The following RBFOX1 variants were observed in gnomAD, a reference collection of about 807,000 sequenced individuals.
RBFOX1 encodes the protein RNA binding fox-1 homolog 1.
A neutral mutation model predicts 57.7 loss-of-function variants in RBFOX1; 8 were observed. That is an observed-to-expected ratio of 0.14 (90% confidence interval 0.08 to 0.25). The LOEUF (loss-of-function observed/expected upper bound fraction) is 0.25, where lower values mean the gene tolerates loss of function less well. Ranked by LOEUF, RBFOX1 falls within the 10% of genes least tolerant of loss-of-function variation. The pLI is 1.00. For synonymous variants in RBFOX1, 326 were observed against 222.4 expected (o/e 1.47, Z -4.15); for missense variants, 611 against 548.5 (o/e 1.11, Z -1.14).
intron 2 of RBFOX1, among the ~76,000 whole-genome samples, chr16:5,524,886 G>C (rs993451403): frequency 2.6e-5 from 4 of 151,970 alleles, no homozygotes; most frequent in African/African-American, 9.7e-5. Context: ...TTACTCAGGG[G>C]AGCCTTCTCT....
At chr16:7,575,254 C>A (rs62011666) in intron 5 of RBFOX1, among the ~76,000 whole-genome samples, 1 of 151,960 alleles carries the variant, frequency 6.6e-6, no homozygotes. Flanking sequence ...CCTGCCTCAC[C>A]CTCCCAAGTA....
At position 6,378,651 on chromosome 16, in the gene RBFOX1, G is replaced by A. The variant is rs772683948; in HGVS notation, c.-64+61594G>A. On this transcript the variant is annotated intron_variant, in intron 2 of 15. Transcript: ENST00000550418. ...CTAGTCCTCAATGCTCTTCCCCATTGGTCATCCCAGAGCTCATCTCAAATG... is the reference window on the plus strand; with the variant it reads ...CTAGTCCTCAATGCTCTTCCCCATTAGTCATCCCAGAGCTCATCTCAAATG... 8.5e-5 allele frequency among the ~76,000 whole-genome samples: 13 copies of A among 152,058 alleles called. 1 individual carries two copies. The highest frequency in any genetic ancestry group is 1.2e-4 in the Non-Finnish European group (8 of 68,018).
intron 2 of RBFOX1, among the ~76,000 whole-genome samples, chr16:6,482,993 T>A (rs983222975): frequency 2.6e-5 from 4 of 152,232 alleles, no homozygotes; most frequent in African/African-American, 9.6e-5. Context: ...ACATATTTAA[T>A]GCCTGAAAGA....
chr16:6,615,476 A>G (rs1196784183), intron 2 of RBFOX1, among the ~76,000 whole-genome samples: 1 of 152,090 alleles, frequency 6.6e-6, no homozygotes, highest in Non-Finnish European at 1.5e-5. Flanking sequence ...AGGCTGAGGC[A>G]GAAGAATTGC....
At chr16:5,358,118 A>G (rs571533342) in intron 1 of RBFOX1, among the ~76,000 whole-genome samples, 6 of 152,096 alleles carry the variant, frequency 3.9e-5, no homozygotes, top group South Asian at 4.1e-4. Context: ...CATCTGTTCC[A>G]TGTCTTTCTC....
intron 2 of RBFOX1, among the ~76,000 whole-genome samples, chr16:6,418,096 C>T (rs534939847): frequency 1.3e-5 from 2 of 152,140 alleles, no homozygotes; most frequent in Non-Finnish European, 2.9e-5. Flanking sequence ...TGACTAAGTA[C>T]GAATGGTAAG....
chr16:7,116,007 T>C (rs1242666298), intron 4 of RBFOX1, among the ~76,000 whole-genome samples: 1 of 152,196 alleles, frequency 6.6e-6, no homozygotes, highest in African/African-American at 2.4e-5. Flanking sequence ...GTAACCATTG[T>C]GCCAGGCACT....
At chr16:5,662,440 G>C (rs2049686052) in intron 3 of RBFOX1, among the ~76,000 whole-genome samples, 1 of 151,982 alleles carries the variant, frequency 6.6e-6, no homozygotes. Flanking sequence ...GACACGTTCT[G>C]GAAAACTCCC....
chr16:6,953,335 C>G (rs529587778), intron 3 of RBFOX1, among the ~76,000 whole-genome samples: 65 of 152,034 alleles, frequency 4.3e-4, no homozygotes, highest in Non-Finnish European at 8.4e-4. Context: ...TCACCAGCAA[C>G]TTAATAACAT....
At chr16:7,509,015 C>A (rs975950648) in intron 4 of RBFOX1, among the ~76,000 whole-genome samples, 2 of 152,180 alleles carry the variant, frequency 1.3e-5, no homozygotes, top group Admixed American at 6.5e-5. Flanking sequence ...TTGTAGTTTT[C>A]ATAATAAAGG....
chr16:5,513,585 A>C (rs1209180774), intron 2 of RBFOX1, among the ~76,000 whole-genome samples: 1 of 152,158 alleles, frequency 6.6e-6, no homozygotes, highest in East Asian at 1.9e-4. Flanking sequence ...TCATTGATGG[A>C]GGAGTATCTA....
intron 4 of RBFOX1, among the ~76,000 whole-genome samples, chr16:5,876,055 G>C (rs1297052796): frequency 6.6e-6 from 1 of 152,076 alleles, no homozygotes; most frequent in South Asian, 2.1e-4. Flanking sequence ...GTGTTAGCCA[G>C]GGTAGTCTTG....
intron 3 of RBFOX1, among the ~76,000 whole-genome samples, chr16:6,924,908 A>T (rs961130952): frequency 7.1e-6 from 1 of 140,872 alleles, no homozygotes; most frequent in Non-Finnish European, 1.5e-5. Context: ...TCATTGTTCA[A>T]TTCCTACCTA....
intron 4 of RBFOX1, among the ~76,000 whole-genome samples, chr16:7,310,940 A>G (rs1053859516): frequency 6.6e-6 from 1 of 152,230 alleles, no homozygotes; most frequent in Non-Finnish European, 1.5e-5. Context: ...TGCATGCAGT[A>G]CAACGCTTTG....
chr16:6,890,732 G>A (rs949340640), intron 3 of RBFOX1, among the ~76,000 whole-genome samples: 2 of 152,170 alleles, frequency 1.3e-5, no homozygotes, highest in African/African-American at 2.4e-5. Flanking sequence ...GGAGAAGAAG[G>A]AGAGTGCCTA....
intron 13 of RBFOX1, among the ~76,000 whole-genome samples, chr16:7,666,784 C>T (rs1413305978): frequency 6.6e-6 from 1 of 152,178 alleles, no homozygotes; most frequent in Admixed American, 6.5e-5. Flanking sequence ...AAAATTTATT[C>T]AGGGAAGAAA....
At chr16:7,420,612 T>C (rs1330354271) in intron 4 of RBFOX1, among the ~76,000 whole-genome samples, 1 of 152,044 alleles carries the variant, frequency 6.6e-6, no homozygotes, top group Admixed American at 6.6e-5. Flanking sequence ...TTCTGATGAT[T>C]TTTTTTCCTT....
chr16:6,470,149 T>C (rs1474342300), intron 2 of RBFOX1, among the ~76,000 whole-genome samples: 1 of 152,218 alleles, frequency 6.6e-6, no homozygotes, highest in East Asian at 1.9e-4. Context: ...ATTTAGATAC[T>C]GCCTCTAGTT....
At chr16:5,464,292 G>A (rs2068886737) in intron 1 of RBFOX1, among the ~76,000 whole-genome samples, 1 of 152,240 alleles carries the variant, frequency 6.6e-6, no homozygotes. Context: ...CAGTGGGGTA[G>A]ACATTGGGGT....
Sources: gnomAD v4.1 joint callset for allele counts (sites outside exome capture counted in the v4.1 genomes callset) on GRCh38, gnomAD v4.1.1 for gene constraint, MANE v1.5 for transcripts, NCBI Gene and HGNC (gene_info 2026-07-23, HGNC 2026-07-21) for gene names.